TIAM1: variants seen among roughly 807,000 people sequenced by gnomAD.
TIAM1 encodes rho guanine nucleotide exchange factor TIAM1.
In TIAM1, 65 loss-of-function variants were observed where a neutral mutation model predicts 163.5. The ratio of observed to expected loss-of-function variants is 0.40; its 90% confidence interval spans 0.33 to 0.49. The LOEUF (loss-of-function observed/expected upper bound fraction) is 0.49. Ranked by LOEUF, TIAM1 falls within the 20% of genes least tolerant of loss-of-function variation. The pLI, the probability that TIAM1 is intolerant of heterozygous loss-of-function variation, is 0.77. For synonymous variants in TIAM1, 833 were observed against 810.1 expected (o/e 1.03, Z -0.48); for missense variants, 1,789 against 2,044.7 (o/e 0.87, Z 2.41).
chr21:31,469,482 G>A (rs963190515), intron 1 of TIAM1, among the ~76,000 whole-genome samples: 1 of 152,034 alleles, frequency 6.6e-6, no homozygotes, highest in African/African-American at 2.4e-5. Flanking sequence ...ATACTTTCCT[G>A]CCAAGCCTCT....
At chr21:31,472,533 T>A (rs536580614) in intron 1 of TIAM1, among the ~76,000 whole-genome samples, 1 of 151,190 alleles carries the variant, frequency 6.6e-6, no homozygotes, top group African/African-American at 2.5e-5. Flanking sequence ...TGAAAAAAAA[T>A]AAATAAATAA....
intron 19 of TIAM1, among the ~76,000 whole-genome samples, chr21:31,152,063 G>C (rs113575302): frequency 1.9e-5 from 2 of 108,034 alleles, no homozygotes; most frequent in Non-Finnish European, 3.5e-5. Flanking sequence ...ACGGAGCCTC[G>C]TTCTTGTCCC....
rs190967193 is a variant in TIAM1 at position 31,160,341 on chromosome 21, G to A, written c.2991+4621C>T. On this transcript the variant is annotated intron_variant, in intron 16 of 27. Coordinates refer to ENST00000541036, the MANE Select transcript of TIAM1 (RefSeq NM_001353694.2). Reference sequence around the variant, plus strand: ...TAAAAGGACAGAATACGGGGAAATGGGAAAGGTGTAATCACTGTCATTCGG... The same window carrying A: ...TAAAAGGACAGAATACGGGGAAATGAGAAAGGTGTAATCACTGTCATTCGG... 8 of 397,746 alleles carry A rather than the reference G, an allele frequency of 2.0e-5. No homozygotes were observed. The Admixed American group carries it at 3.5e-4, about 18-fold the overall frequency. 24.6% of individuals were successfully genotyped at this position (397,746 alleles called of 1,614,324 possible).
chr21:31,554,938 T>C (rs2048822226), intron 1 of TIAM1, among the ~76,000 whole-genome samples: 1 of 152,136 alleles, frequency 6.6e-6, no homozygotes, highest in Non-Finnish European at 1.5e-5. Context: ...ATGAGGTCCC[T>C]GGAGACCACA....
intron 2 of TIAM1, among the ~76,000 whole-genome samples, chr21:31,324,620 T>C (rs1415687330): frequency 6.6e-6 from 1 of 152,208 alleles, no homozygotes; most frequent in Non-Finnish European, 1.5e-5. Context: ...CCCACAGTGC[T>C]GCTCTCAGCC....
At chr21:31,213,866 CAA>C (rs35524539) in intron 9 of TIAM1, among the ~76,000 whole-genome samples, 17 of 54,830 alleles carry the variant, frequency 3.1e-4, no homozygotes, top group African/African-American at 3.1e-4. Flanking sequence ...CTCATCTCTA[CAA>C]AAAAAAAAAA....
Position 31,173,284 on chromosome 21 carries a change from C to A in TIAM1, c.2888-8219G>T, listed in dbSNP as rs531954667. On this transcript the variant is annotated intron_variant, in intron 15 of 27. Coordinates refer to ENST00000541036, the MANE Select transcript of TIAM1 (RefSeq NM_001353694.2). ...AAACTTTTAAAAGGTCTTTTTAATGCCTGAGTTTAAATCCCTGATGGAAAA... is the reference window on the plus strand; with the variant it reads ...AAACTTTTAAAAGGTCTTTTTAATGACTGAGTTTAAATCCCTGATGGAAAA... 2.6e-5 allele frequency among the ~76,000 whole-genome samples: 4 copies of A among 152,006 alleles called. No homozygotes were observed. The East Asian group carries it at 5.8e-4, about 22-fold the overall frequency.
chr21:31,294,581 C>A (rs1191341501), intron 2 of TIAM1, among the ~76,000 whole-genome samples: 4 of 152,048 alleles, frequency 2.6e-5, no homozygotes, highest in Admixed American at 2.6e-4. Flanking sequence ...AAATTTAGCA[C>A]CTAGTAAGGG....
chr21:31,498,419 A>G (rs1203220606), intron 1 of TIAM1, among the ~76,000 whole-genome samples: 1 of 150,318 alleles, frequency 6.7e-6, no homozygotes, highest in Non-Finnish European at 1.5e-5. Flanking sequence ...TCCAATTGTC[A>G]GAACACCAGG....
chr21:31,368,543 C>T (rs182522226), intron 2 of TIAM1, among the ~76,000 whole-genome samples: 61 of 152,184 alleles, frequency 4.0e-4, no homozygotes, highest in African/African-American at 1.3e-3. Context: ...CTAAAAATAG[C>T]GACCAAACTT....
At position 31,471,460 on chromosome 21, in the gene TIAM1, TC is replaced by T. The variant is rs1371886066; in HGVS notation, c.-421-7426del. ...CTTCAGATGTGTGTTGGGATTAGTATCAGAGCTCTTCTCTGTTTTCTTCCCT... is the reference window on the plus strand; with the variant it reads ...CTTCAGATGTGTGTTGGGATTAGTATAGAGCTCTTCTCTGTTTTCTTCCCT... On this transcript the variant is annotated intron_variant, in intron 1 of 28. Transcript: ENST00000286827. 9.1e-5 allele frequency among the ~76,000 whole-genome samples: 13 copies of T among 142,532 alleles called. No homozygotes were observed. The East Asian group carries it at 1.9e-3, about 21-fold the overall frequency. 93.5% of individuals were successfully genotyped at this position (142,532 alleles called of 152,430 possible).
intron 1 of TIAM1, among the ~76,000 whole-genome samples, chr21:31,548,482 T>G (rs73345664): frequency 1.3e-5 from 2 of 150,070 alleles, no homozygotes; most frequent in East Asian, 2.0e-4. Flanking sequence ...CCTTAACCTT[T>G]TGTTGTTGTT....
chr21:31,377,268 A>G (rs1221022801), intron 2 of TIAM1, among the ~76,000 whole-genome samples: 1 of 150,830 alleles, frequency 6.6e-6, no homozygotes. Context: ...CCAATTCTCT[A>G]TCATTTCTGT....
chr21:31,161,947 A>G (rs576530030), intron 16 of TIAM1, among the ~76,000 whole-genome samples: 2 of 152,382 alleles, frequency 1.3e-5, no homozygotes, highest in East Asian at 3.9e-4. Flanking sequence ...AAAGAGACAC[A>G]CAGAAACATT....
rs1383430484 is a variant in TIAM1 at position 31,395,249 on chromosome 21, AG to A, written c.-368-55828del. ...TGAGACTCTGTCTCAAAAAAAAAAA[AG>A]AGGAGGTGGGGGGAGAACAAAACTA... On this transcript the variant is annotated intron_variant, in intron 2 of 28. Coordinates refer to the TIAM1 transcript ENST00000286827. This position sits in a 1 kb window ranked among gnomAD's most constrained non-coding sequence, Gnocchi z 7.5. Among the ~76,000 whole-genome samples the A allele has an allele frequency of 1.4e-5, 2 of 144,956 alleles. No homozygotes were observed. The highest frequency in any genetic ancestry group is 2.5e-5 in the African/African-American group (1 of 40,192).
In TIAM1 at chr21:31,141,005, A is replaced by G. The variant is rs2833301; in HGVS notation, c.3774+113T>C. 43,131 of 764,312 alleles carry G rather than the reference A, an allele frequency of 0.056. 1,406 individuals are homozygous for G. The highest frequency in any genetic ancestry group is 0.074 in the South Asian group (3,505 of 47,232). The allele number at this position is 764,312 out of a possible 1,614,324, so 47.3% of individuals were successfully genotyped here. ...ATGTTCCACTAAGAAAAACAACAGC[A>G]TCCTAACTATTTTACTTACAAGTAA... On this transcript the variant is annotated intron_variant, in intron 22 of 27. Coordinates refer to ENST00000541036, the MANE Select transcript of TIAM1 (RefSeq NM_001353694.2). This position sits in a 1 kb window ranked among gnomAD's most constrained non-coding sequence, Gnocchi z 4.7.
chr21:31,378,053 T>G (rs1445744873), intron 2 of TIAM1, among the ~76,000 whole-genome samples: 3 of 150,798 alleles, frequency 2.0e-5, no homozygotes, highest in Non-Finnish European at 2.9e-5. Context: ...GGAGAATCAC[T>G]TGAACCTGGG....
chr21:31,385,939 T>C (rs12482332), intron 2 of TIAM1, among the ~76,000 whole-genome samples: 7,804 of 147,580 alleles, frequency 0.053, 465 homozygotes, highest in East Asian at 0.29. Flanking sequence ...ATATTAATGT[T>C]ATTTATACTG....
intron 1 of TIAM1, among the ~76,000 whole-genome samples, chr21:31,542,799 T>C (rs1024772066): frequency 1.3e-5 from 2 of 151,908 alleles, no homozygotes; most frequent in Admixed American, 1.3e-4. Flanking sequence ...CAAAACCCTG[T>C]CTCTACTAAA....
Sources: allele counts gnomAD v4.1 joint callset (sites outside exome capture counted in the v4.1 genomes callset), GRCh38; gene constraint gnomAD v4.1.1; non-coding constraint Gnocchi (gnomAD v3.1); transcripts MANE v1.5; gene names NCBI Gene and HGNC (gene_info 2026-07-23, HGNC 2026-07-21).